RABGEF1: variants seen among roughly 807,000 people sequenced by gnomAD.
The protein encoded by RABGEF1 is RAB guanine nucleotide exchange factor 1, also known as rab5 GDP/GTP exchange factor.
In RABGEF1, 26 loss-of-function variants were observed where a neutral mutation model predicts 57.3. That is an observed-to-expected ratio of 0.45 (90% CI 0.33 to 0.63). The LOEUF is 0.63. RABGEF1 is among the 20% of genes least tolerant of loss of function. RABGEF1 has a pLI of 0.02. For missense variants in RABGEF1, 464 were observed against 607.6 expected, an observed-to-expected ratio of 0.76 and a Z score of 2.48; for synonymous variants, 185 against 210.7, an observed-to-expected ratio of 0.88 and a Z score of 1.06.
chr7:66,664,421 G>GT, the RABGEF1 span, among the ~76,000 whole-genome samples: 1 of 151,300 alleles, frequency 6.6e-6, no homozygotes, highest in Non-Finnish European at 1.5e-5. Flanking sequence ...CTCTACAGAA[G>GT]TTTTTTGTTT....
chr7:66,703,415 A>G (rs888226837), intron 1 of RABGEF1, among the ~76,000 whole-genome samples: 5 of 152,192 alleles, frequency 3.3e-5, no homozygotes, highest in African/African-American at 1.2e-4. Flanking sequence ...GAATTCTACA[A>G]TTTTAGCTCT....
chr7:66,751,610 G>A (rs994356930), intron 1 of RABGEF1, among the ~76,000 whole-genome samples: 1 of 152,142 alleles, frequency 6.6e-6, no homozygotes, highest in Non-Finnish European at 1.5e-5. Flanking sequence ...GTTGGATAAG[G>A]CCGCATTTTG....
At chr7:66,659,117 C>T in the RABGEF1 span, among the ~76,000 whole-genome samples, 3 of 152,150 alleles carry the variant, frequency 2.0e-5, no homozygotes, top group Admixed American at 6.5e-5. Flanking sequence ...AAGAAAACAA[C>T]TGACCAATAT....
chr7:66,668,478 G>T, the RABGEF1 span, among the ~76,000 whole-genome samples: 1 of 152,196 alleles, frequency 6.6e-6, no homozygotes, highest in African/African-American at 2.4e-5. Context: ...AATTGCTGAG[G>T]TTTCAGGTGC....
upstream of RABGEF1, among the ~76,000 whole-genome samples, chr7:66,737,950 C>A (rs1562755920): frequency 3.9e-5 from 6 of 152,230 alleles, no homozygotes; most frequent in Middle Eastern, 3.5e-3. Context: ...ATCTTTTATT[C>A]AGGTCACCTC....
At chr7:66,796,782 G>T (rs559185770) in intron 5 of RABGEF1, 17 of 341,004 alleles carry the variant, frequency 5.0e-5, no homozygotes, top group South Asian at 3.6e-4. Flanking sequence ...TTAGAGAGGA[G>T]ATTTCACCAT....
chr7:66,699,841 A>G (rs1792957704), intron 1 of RABGEF1, among the ~76,000 whole-genome samples: 2 of 152,210 alleles, frequency 1.3e-5, no homozygotes, highest in Admixed American at 1.3e-4. Flanking sequence ...TGACAGAGAG[A>G]GACCCTGTCT....
chr7:66,750,266 T>C (rs1349408086), intron 1 of RABGEF1, among the ~76,000 whole-genome samples: 1 of 152,258 alleles, frequency 6.6e-6, no homozygotes, highest in Non-Finnish European at 1.5e-5. Context: ...AGAAATTCAA[T>C]GGCAAAGTGT....
intron 7 of RABGEF1, among the ~76,000 whole-genome samples, chr7:66,801,069 G>GTCATCAAT (rs2129182216): frequency 6.6e-6 from 1 of 152,326 alleles, no homozygotes; most frequent in East Asian, 1.9e-4. Context: ...AAGTCATCAA[G>GTCATCAAT]TCCTCTGCCC....
intron 1 of RABGEF1, among the ~76,000 whole-genome samples, chr7:66,771,239 C>T (rs1041487340): frequency 3.3e-5 from 5 of 152,042 alleles, no homozygotes; most frequent in African/African-American, 7.2e-5. Context: ...CCCAGGTTCA[C>T]GTGATTCTCC....
chr7:66,682,729 C>T (rs1789967446), intron 1 of RABGEF1, among the ~76,000 whole-genome samples: 2 of 152,216 alleles, frequency 1.3e-5, no homozygotes, highest in South Asian at 2.1e-4. Flanking sequence ...GGATTTGATC[C>T]CGCGTCGCCC....
chr7:66,725,378 C>T (rs1012233812), intron 2 of RABGEF1, among the ~76,000 whole-genome samples: 1 of 152,214 alleles, frequency 6.6e-6, no homozygotes, highest in South Asian at 2.1e-4. Flanking sequence ...CTGCCCCACC[C>T]TCAGCCCTAG....
upstream of RABGEF1, among the ~76,000 whole-genome samples, chr7:66,738,325 C>G (rs1307469184): frequency 6.6e-6 from 1 of 152,116 alleles, no homozygotes; most frequent in African/African-American, 2.4e-5. Flanking sequence ...GGCCAGTCCT[C>G]TCTAGCTTAA....
intron 1 of RABGEF1, among the ~76,000 whole-genome samples, chr7:66,710,624 C>T (rs1337883617): frequency 4.6e-5 from 7 of 152,206 alleles, no homozygotes; most frequent in Non-Finnish European, 1.0e-4. Context: ...GTAGCATTCA[C>T]TAATGACCAA....
At chr7:66,712,570 A>C (rs984698540) in intron 2 of RABGEF1, among the ~76,000 whole-genome samples, 1 of 152,072 alleles carries the variant, frequency 6.6e-6, no homozygotes, top group African/African-American at 2.4e-5. Flanking sequence ...TCCCGGGCTG[A>C]AGGGATCCTC....
chr7:66,700,989 C>A (rs562323918), intron 1 of RABGEF1, among the ~76,000 whole-genome samples: 2 of 152,294 alleles, frequency 1.3e-5, no homozygotes, highest in African/African-American at 4.8e-5. Flanking sequence ...CGCTGTCTTG[C>A]AGCCCAAGGA....
chr7:66,742,564 G>A (rs1025742167), intron 1 of RABGEF1, among the ~76,000 whole-genome samples: 86 of 152,274 alleles, frequency 5.6e-4, no homozygotes, highest in African/African-American at 2.0e-3. Flanking sequence ...GAGGGAGAGG[G>A]GGGAATCAAA....
At chr7:66,797,606 G>C in intron 6 of RABGEF1, 100 bp downstream of exon 6, 3 of 1,305,320 alleles carry the variant, frequency 2.3e-6, no homozygotes, top group Non-Finnish European at 3.2e-6. Flanking sequence ...TTAAGGGAAA[G>C]CAATAGCTCA....
Position 66,810,026 on chromosome 7 carries a change from TTAAAC to T in RABGEF1, c.*745_*749del, listed in dbSNP as rs2129201650. The T allele has an allele frequency of 6.6e-6, 1 of 152,372 alleles. No homozygotes were observed. The highest frequency in any genetic ancestry group is 2.1e-4 in the South Asian group (1 of 4,832). 9.4% of individuals were successfully genotyped at this position (152,372 alleles called of 1,614,324 possible). ...TGTTTAATGTAGTCGATGGAAGACT[TTAAAC>T]TATGCTTCTAGCTTATTTTTCCCTC... On this transcript the variant is annotated 3_prime_UTR_variant, in exon 9 of 9. Coordinates refer to ENST00000284957, the MANE Select transcript of RABGEF1 (RefSeq NM_014504.3).
Sources: gnomAD v4.1 joint callset for allele counts (sites outside exome capture counted in the v4.1 genomes callset) on GRCh38, gnomAD v4.1.1 for gene constraint, MANE v1.5 for transcripts, NCBI Gene and HGNC (gene_info 2026-07-23, HGNC 2026-07-21) for gene names.